Variants in CNIH3 observed in about 807,000 individuals in gnomAD.
CNIH3 encodes protein cornichon homolog 3.
Under a neutral mutation model 24.1 loss-of-function variants are expected in CNIH3, and 14 were observed. That is an observed-to-expected ratio of 0.58 (90% CI 0.38 to 0.91). The LOEUF (loss-of-function observed/expected upper bound fraction) is 0.91. Ranked by LOEUF, CNIH3 falls within the 40% of genes least tolerant of loss-of-function variation. The probability of loss-of-function intolerance (pLI) is 0.00; values close to 1 mark genes in which losing one functional copy is unlikely to be tolerated. For missense variants in CNIH3, 178 were observed against 196.8 expected, an observed-to-expected ratio of 0.90 and a Z score of 0.57; for synonymous variants, 68 against 73.8, an observed-to-expected ratio of 0.92 and a Z score of 0.40.
chr1:224,473,503 C>G (rs369959884), intron 1 of CNIH3, among the ~76,000 whole-genome samples: 24 of 152,238 alleles, frequency 1.6e-4, no homozygotes, highest in East Asian at 1.3e-3. Flanking sequence ...AGTAGCTATA[C>G]TTATATCACA....
intron 3 of CNIH3, among the ~76,000 whole-genome samples, chr1:224,725,019 G>A (rs536406117): frequency 6.6e-6 from 1 of 151,982 alleles, no homozygotes; most frequent in South Asian, 2.1e-4. Flanking sequence ...GATCAGCCTG[G>A]TCAATATAGT....
intron 1 of CNIH3, among the ~76,000 whole-genome samples, chr1:224,444,944 T>C (rs76037616): frequency 2.2e-5 from 3 of 135,162 alleles, no homozygotes; most frequent in East Asian, 2.1e-4. Flanking sequence ...CGCCCGGCCC[T>C]TTTTTTTTTT....
chr1:224,732,088 A>G (rs1689364178), intron 4 of CNIH3, among the ~76,000 whole-genome samples: 1 of 152,150 alleles, frequency 6.6e-6, no homozygotes, highest in Non-Finnish European at 1.5e-5. Context: ...AGTGTAAAGG[A>G]TGGGTTAGAG....
chr1:224,509,890 AGC>A (rs749741866), intron 1 of CNIH3, among the ~76,000 whole-genome samples: 1 of 152,114 alleles, frequency 6.6e-6, no homozygotes, highest in Non-Finnish European at 1.5e-5. Flanking sequence ...CCCAGGGGCG[AGC>A]CCCAGCTGTC....
intron 3 of CNIH3, among the ~76,000 whole-genome samples, chr1:224,706,605 C>T (rs1016560046): frequency 6.6e-6 from 1 of 152,154 alleles, no homozygotes; most frequent in Non-Finnish European, 1.5e-5. Context: ...TGTCTCAGCT[C>T]CTTCAGCATT....
intron 1 of CNIH3, among the ~76,000 whole-genome samples, chr1:224,478,925 A>G (rs1290464388): frequency 2.0e-5 from 3 of 152,122 alleles, no homozygotes; most frequent in East Asian, 3.9e-4. Context: ...AATAACCATC[A>G]GATCTGGTGA....
chr1:224,524,530 C>T (rs12057775), intron 2 of CNIH3, among the ~76,000 whole-genome samples: 26,601 of 152,110 alleles, frequency 0.17, 2,549 homozygotes, highest in South Asian at 0.34. Flanking sequence ...AGATCTTGGT[C>T]TTGGAGCTGG....
At chr1:224,586,525 C>T (rs1681516826) in intron 5 of CNIH3, among the ~76,000 whole-genome samples, 1 of 152,272 alleles carries the variant, frequency 6.6e-6, no homozygotes, top group South Asian at 2.1e-4. Flanking sequence ...GGTGGGGACA[C>T]AGCCAAACCA....
chr1:224,654,936 C>G (rs1371491556), intron 1 of CNIH3, among the ~76,000 whole-genome samples: 1 of 152,172 alleles, frequency 6.6e-6, no homozygotes, highest in Non-Finnish European at 1.5e-5. Context: ...ACCTAACCTT[C>G]AGGTCTCTCT....
At chr1:224,569,190 G>C (rs1033301963) in intron 4 of CNIH3, among the ~76,000 whole-genome samples, 1 of 152,114 alleles carries the variant, frequency 6.6e-6, no homozygotes, top group African/African-American at 2.4e-5. Flanking sequence ...TTTCTAAAAT[G>C]CTTTTTTACA....
chr1:224,683,896 A>G (rs773295719), intron 2 of CNIH3, among the ~76,000 whole-genome samples: 6 of 152,218 alleles, frequency 3.9e-5, no homozygotes, highest in Non-Finnish European at 7.3e-5. Context: ...CCATGTGGAC[A>G]CTAATTTGTC....
chr1:224,697,178 CA>C (rs1687221344), intron 3 of CNIH3, among the ~76,000 whole-genome samples: 1 of 152,196 alleles, frequency 6.6e-6, no homozygotes, highest in Non-Finnish European at 1.5e-5. Flanking sequence ...ACGTGCTTGT[CA>C]CATCAGAGCA....
chr1:224,659,548 C>T (rs2125114908), intron 1 of CNIH3, among the ~76,000 whole-genome samples: 1 of 152,216 alleles, frequency 6.6e-6, no homozygotes, highest in East Asian at 1.9e-4. Context: ...TTGAATTAAT[C>T]AGATACAGGA....
rs553851786 is a variant in CNIH3 at position 224,679,265 on chromosome 1, G to A, written c.82-1693G>A. On this transcript the variant is annotated intron_variant, in intron 1 of 5. Transcript: ENST00000272133. ...TGAGGCAGGAGAATTGCTTGAGCCTGGGAGATGGAGGTTGCAGTGAGCCAA... is the reference window on the plus strand; with the variant it reads ...TGAGGCAGGAGAATTGCTTGAGCCTAGGAGATGGAGGTTGCAGTGAGCCAA... Among the ~76,000 whole-genome samples, 11 of 152,066 alleles carry A rather than the reference G, an allele frequency of 7.2e-5. No homozygotes were observed. In the South Asian group the frequency reaches 1.7e-3, roughly 23 times the overall value.
At chr1:224,563,609 G>A (rs996054296) in intron 3 of CNIH3, among the ~76,000 whole-genome samples, 22 of 152,058 alleles carry the variant, frequency 1.4e-4, no homozygotes, top group Admixed American at 4.6e-4. Context: ...CTTAAGATTG[G>A]CATCCATTAG....
chr1:224,739,397 G>C lies in CNIH3; in HGVS notation c.*41G>C. The C allele has an allele frequency of 8.8e-6, 14 of 1,595,438 alleles. No individual in the cohort carries two copies. The highest frequency in any genetic ancestry group is 1.1e-5 in the Non-Finnish European group (13 of 1,174,452). On this transcript the variant is annotated 3_prime_UTR_variant, in exon 6 of 6. Coordinates refer to ENST00000272133, the MANE Select transcript of CNIH3 (RefSeq NM_152495.2). Reference sequence around the variant, plus strand: ...CATCATCAGAGACTGAGATGGGAGAGGCCTGAGACGGAGAGGTGCATTTCT... The same window carrying C: ...CATCATCAGAGACTGAGATGGGAGACGCCTGAGACGGAGAGGTGCATTTCT...
intron 5 of CNIH3, among the ~76,000 whole-genome samples, chr1:224,584,408 A>G (rs939412488): frequency 3.3e-5 from 5 of 152,254 alleles, no homozygotes; most frequent in Admixed American, 2.6e-4. Flanking sequence ...GATTTTGGAC[A>G]AACAGGATTT....
chr1:224,722,258 T>C (rs1041369867), intron 3 of CNIH3, among the ~76,000 whole-genome samples: 2 of 152,180 alleles, frequency 1.3e-5, no homozygotes, highest in African/African-American at 4.8e-5. Context: ...ACCTTGGGTC[T>C]GTGAATCTCA....
intron 1 of CNIH3, among the ~76,000 whole-genome samples, chr1:224,636,133 G>A (rs539050376): frequency 5.3e-5 from 8 of 152,336 alleles, no homozygotes; most frequent in African/African-American, 1.9e-4. Context: ...GTGGCACCCC[G>A]TTGTTAGAAG....
Sources: gnomAD v4.1 joint callset for allele counts (sites outside exome capture counted in the v4.1 genomes callset) on GRCh38, gnomAD v4.1.1 for gene constraint, MANE v1.5 for transcripts, NCBI Gene and HGNC (gene_info 2026-07-23, HGNC 2026-07-21) for gene names.